POLN: variants seen among roughly 807,000 people sequenced by gnomAD.
POLN encodes the protein DNA polymerase nu, also known as DNA polymerase N.
In POLN, 108 loss-of-function variants were observed where a neutral mutation model predicts 113.5. The observed-to-expected ratio is 0.95, with a 90% confidence interval of 0.81 to 1.12. POLN has a LOEUF of 1.12. Among genes scored for constraint, POLN ranks in the 50% most tolerant of loss-of-function variants. The pLI is 0.00. For synonymous variants in POLN, 386 were observed against 391.5 expected, an observed-to-expected ratio of 0.99 and a Z score of 0.17; for missense variants, 1,097 against 1,077.1, an observed-to-expected ratio of 1.02 and a Z score of -0.26.
intron 4 of POLN, among the ~76,000 whole-genome samples, chr4:2,212,397 C>T (rs1430247078): frequency 2.0e-5 from 3 of 152,166 alleles, no homozygotes; most frequent in African/African-American, 7.2e-5. Flanking sequence ...TTTTTAGACA[C>T]TGAGTCTTGC....
In POLN at chr4:2,144,995, T is replaced by C. The variant is rs998847729; in HGVS notation, c.1731+11793A>G. Among the ~76,000 whole-genome samples the C allele has an allele frequency of 7.2e-5, 11 of 152,212 alleles. No homozygotes were observed. The East Asian group carries it at 2.1e-3, about 29-fold the overall frequency. ...AATTGAGAGCCTAGAAACAGACCTA[T>C]GCATTTGTCAAAATTCACAAATGAC... On this transcript the variant is annotated intron_variant, in intron 16 of 25. Transcript: ENST00000511885.
At position 2,118,095 on chromosome 4, in the gene POLN, T is replaced by A. The variant is rs78095293; in HGVS notation, c.1982+10018A>T. Among the ~76,000 whole-genome samples the A allele has an allele frequency of 1.3e-4, 20 of 152,336 alleles. No individual in the cohort carries two copies. The East Asian group carries it at 3.9e-3, about 29-fold the overall frequency. Reference sequence around the variant, plus strand: ...CCCACAGTTAATTTGGAGAGATGTATCCTTTGTCTAGACTTCACTGCAGGT... The same window carrying A: ...CCCACAGTTAATTTGGAGAGATGTAACCTTTGTCTAGACTTCACTGCAGGT... On this transcript the variant is annotated intron_variant, in intron 19 of 25. Transcript: ENST00000511885.
chr4:2,126,698 C>T lies in POLN; in HGVS notation c.1982+1415G>A, dbSNP rs769543448. 1.6e-4 allele frequency among the ~76,000 whole-genome samples: 24 copies of T among 151,932 alleles called. No individual in the cohort carries two copies. Among genetic ancestry groups the T allele is most frequent in the Admixed American group, 1.3e-3 (20 of 15,256 alleles). On this transcript the variant is annotated intron_variant, in intron 19 of 25. Transcript: ENST00000511885. This position sits in a 1 kb window ranked among gnomAD's most constrained non-coding sequence, Gnocchi z 4.6. Reference sequence around the variant, plus strand: ...TGGTCAGGGGAGGGCCCTGAGGAGACGCCGGGAGGGCCCACTTGGATGAGG... The same window carrying T: ...TGGTCAGGGGAGGGCCCTGAGGAGATGCCGGGAGGGCCCACTTGGATGAGG...
At chr4:2,232,626 A>G (rs953784794) in intron 2 of POLN, among the ~76,000 whole-genome samples, 1 of 152,168 alleles carries the variant, frequency 6.6e-6, no homozygotes, top group African/African-American at 2.4e-5. Context: ...GCTCAACACA[A>G]ATCTCCATTT....
chr4:2,078,490 T>G, intron 23 of POLN: 1 of 741,312 alleles, frequency 1.3e-6, no homozygotes, highest in Non-Finnish European at 1.6e-6. Flanking sequence ...TTTTTTTTTG[T>G]TAGACAGACT....
At chr4:2,222,397 A>G (rs1208963241) in intron 3 of POLN, among the ~76,000 whole-genome samples, 1 of 147,382 alleles carries the variant, frequency 6.8e-6, no homozygotes, top group East Asian at 2.0e-4. Context: ...ACAAACAAAC[A>G]AAAAAAAAAC....
intron 5 of POLN, among the ~76,000 whole-genome samples, chr4:2,205,535 T>C (rs937391436): frequency 1.3e-5 from 2 of 152,076 alleles, no homozygotes; most frequent in Non-Finnish European, 2.9e-5. Flanking sequence ...AAAAATTCAA[T>C]GCAATTCCCG....
intron 16 of POLN, among the ~76,000 whole-genome samples, chr4:2,154,814 G>A (rs1057166933): frequency 1.3e-5 from 2 of 152,158 alleles, no homozygotes; most frequent in African/African-American, 4.8e-5. Flanking sequence ...ATCAATAGGG[G>A]CAGCCATTAA....
chr4:2,095,714 C>CA lies in POLN; in HGVS notation c.2065+136_2065+137insT, dbSNP rs575074929. 1,140 of 769,840 alleles carry CA rather than the reference C, an allele frequency of 1.5e-3. 19 individuals are homozygous for CA. In the South Asian group the frequency reaches 0.017, roughly 11 times the overall value. 47.7% of individuals were successfully genotyped at this position (769,840 alleles called of 1,614,324 possible). A position where few individuals can be genotyped will look rare whatever the true frequency, so the allele number is the denominator to read the frequency against. ...GGGTGGTCTGGCCAGTGTCTGGTGA[C>CA]TGCAGGTGTCATCAGAGCATAAACA... On this transcript the variant is annotated intron_variant, in intron 20 of 25. Coordinates refer to ENST00000511885, the MANE Select transcript of POLN (RefSeq NM_181808.4).
intron 5 of POLN, among the ~76,000 whole-genome samples, chr4:2,200,693 T>C (rs1182300291): frequency 2.0e-5 from 3 of 152,130 alleles, no homozygotes; most frequent in Admixed American, 6.6e-5. Context: ...GAACACCCCA[T>C]TGGATAAAAG....
chr4:2,079,248 G>C (rs1730346854), intron 23 of POLN: 1 of 292,908 alleles, frequency 3.4e-6, no homozygotes, highest in African/African-American at 2.3e-5. Flanking sequence ...AACTTTTCTA[G>C]ACTTGCAGTA....
chr4:2,090,486 CTG>C, intron 20 of POLN: 1 of 532,872 alleles, frequency 1.9e-6, no homozygotes, highest in Non-Finnish European at 3.5e-6. Context: ...GTTTGTCACG[CTG>C]TGAATAAATA....
chr4:2,238,659 A>G (rs112848548), intron 2 of POLN: 1 of 1,612,650 alleles, frequency 6.2e-7, no homozygotes, highest in Non-Finnish European at 8.5e-7. Context: ...ATCTGTTGAG[A>G]AACTGATGGA....
At chr4:2,077,535 G>A (rs1201138357) in intron 23 of POLN, among the ~76,000 whole-genome samples, 1 of 152,270 alleles carries the variant, frequency 6.6e-6, no homozygotes, top group African/African-American at 2.4e-5. Context: ...AGGGGCGACA[G>A]AGCCCCAGGC....
chr4:2,198,643 A>C lies in POLN; in HGVS notation c.789T>G (p.Asp263Glu). Residue 263 changes from aspartate (D) to glutamate (E), a missense_variant, in exon 6 of 26, where the codon GAT (aspartate) becomes GAG (glutamate). Physicochemically the swap from Asp to Glu is conservative, Grantham distance 45 (BLOSUM62 2). Transcript: ENST00000511885. ...RQAEGGHGCP[D>E]APACGPVLEG... The stretch of plus-strand genomic sequence containing the variant: ...CCAGAACAGGACCACAGGCCGGGGC[A>C]TCTGGACAGCCATGGCCACCCTCTG... The C allele has an allele frequency of 6.2e-7, 1 of 1,613,984 alleles. No individual in the cohort carries two copies. Among genetic ancestry groups the C allele is most frequent in the Non-Finnish European group, 8.5e-7 (1 of 1,179,974 alleles).
rs1398401692 is a variant in POLN at position 2,219,083 on chromosome 4, G to C, written c.134-5957C>G. Among the ~76,000 whole-genome samples, 5 of 152,118 alleles carry C rather than the reference G, an allele frequency of 3.3e-5. No homozygotes were observed. In the East Asian group the frequency reaches 9.7e-4, roughly 29 times the overall value. On this transcript the variant is annotated intron_variant, in intron 3 of 25. Transcript: ENST00000511885. ...TCACTAGGAGAGCTCTCATCCTCAG[G>C]CCAAGGAGCCAGTACCTGAGGGTTC...
chr4:2,096,730 GACACAC>G (rs60528241), intron 19 of POLN, among the ~76,000 whole-genome samples: 2 of 145,536 alleles, frequency 1.4e-5, no homozygotes, highest in African/African-American at 2.6e-5. Flanking sequence ...GAGAGAGAGA[GACACAC>G]AGAGAGAAAC....
At chr4:2,240,209 T>C in intron 2 of POLN, 1 of 1,614,004 alleles carries the variant, frequency 6.2e-7, no homozygotes, top group African/African-American at 1.3e-5. Context: ...CACAAATAGA[T>C]GGTGTCTGTA....
rs1430583318 is a variant in POLN at position 2,241,434 on chromosome 4, C to T, written c.-13+86G>A. ...CAAACAAACCCAAGCCACCAGGAGG[C>T]TAGGCAGCCTCTCTTCCCTGCCCTC... On this transcript the variant is annotated intron_variant, in intron 2 of 25. Transcript: ENST00000511885. 13 of 925,688 alleles carry T rather than the reference C, an allele frequency of 1.4e-5. No individual in the cohort carries two copies. In the South Asian group the frequency reaches 5.4e-4, roughly 39 times the overall value. The allele number at this position is 925,688 out of a possible 1,614,324, so 57.3% of individuals were successfully genotyped here.
Sources: gnomAD v4.1 joint callset for allele counts (sites outside exome capture counted in the v4.1 genomes callset) on GRCh38, gnomAD v4.1.1 for gene constraint, Gnocchi (gnomAD v3.1) non-coding constraint, MANE v1.5 for transcripts, NCBI Gene and HGNC (gene_info 2026-07-23, HGNC 2026-07-21) for gene names.